NTNG1: variants seen among roughly 807,000 people sequenced by gnomAD.
NTNG1 encodes the protein netrin G1.
A neutral mutation model predicts 54.0 loss-of-function variants in NTNG1; 16 were observed. That is an observed-to-expected ratio of 0.30 (90% CI 0.20 to 0.45). The LOEUF (loss-of-function observed/expected upper bound fraction) is 0.45. Ranked by LOEUF, NTNG1 falls within the 20% of genes least tolerant of loss-of-function variation. The probability of loss-of-function intolerance (pLI) is 1.00; values close to 1 mark genes in which losing one functional copy is unlikely to be tolerated. For synonymous variants in NTNG1, 255 were observed against 263.1 expected (o/e 0.97, Z 0.30); for missense variants, 530 against 678.7 (o/e 0.78, Z 2.43).
chr1:107,433,356 C>G (rs1335573117), intron 6 of NTNG1, among the ~76,000 whole-genome samples: 2 of 152,056 alleles, frequency 1.3e-5, no homozygotes, highest in Non-Finnish European at 2.9e-5. Context: ...CCAGCCTGGC[C>G]AACATGGTGA....
chr1:107,234,477 T>G (rs1193738189), intron 2 of NTNG1, among the ~76,000 whole-genome samples: 3 of 152,094 alleles, frequency 2.0e-5, no homozygotes, highest in Non-Finnish European at 4.4e-5. Context: ...TTTTTCATGC[T>G]TATTGAGTGC....
intron 5 of NTNG1, among the ~76,000 whole-genome samples, chr1:107,420,367 G>T (rs1333151559): frequency 6.6e-6 from 1 of 152,054 alleles, no homozygotes; most frequent in Non-Finnish European, 1.5e-5. Flanking sequence ...GCAGAGGCCA[G>T]TTCTATGCAG....
chr1:107,221,615 T>G (rs569542816), intron 2 of NTNG1, among the ~76,000 whole-genome samples: 1 of 152,304 alleles, frequency 6.6e-6, no homozygotes, highest in African/African-American at 2.4e-5. Flanking sequence ...GTATAATTTC[T>G]TTGGTTAGAA....
rs557686809 is a variant in NTNG1, at chr1:107,148,617, G to T, written c.24G>T (p.Ser8=). The change falls in exon 2 of 8, where the codon TCG becomes TCT. Residue 8 remains serine (S), a synonymous_variant. Transcript: ENST00000370068. MYLSRFL[S]IHALWVTVSS... Reference sequence around the variant, plus strand: ...AGATGTATTTGTCAAGATTCCTGTCGATTCATGCCCTTTGGGTTACGGTGT... The same window carrying T: ...AGATGTATTTGTCAAGATTCCTGTCTATTCATGCCCTTTGGGTTACGGTGT... 1 of 1,613,236 alleles carries T rather than the reference G, an allele frequency of 6.2e-7. No homozygotes were observed. Among genetic ancestry groups the T allele is most frequent in the Admixed American group, 1.7e-5 (1 of 59,986 alleles).
intron 2 of NTNG1, among the ~76,000 whole-genome samples, chr1:107,227,314 G>A (rs1557826604): frequency 6.6e-6 from 1 of 152,104 alleles, no homozygotes; most frequent in Admixed American, 6.6e-5. Context: ...CCAGGATACA[G>A]TGCAGAGATT....
intron 2 of NTNG1, among the ~76,000 whole-genome samples, chr1:107,224,219 T>A (rs1307246365): frequency 1.3e-5 from 2 of 152,158 alleles, no homozygotes; most frequent in Admixed American, 1.3e-4. Flanking sequence ...AAAGCACATA[T>A]GTATTCATTA....
At chr1:107,342,339 T>A (rs1193567434) in intron 3 of NTNG1, among the ~76,000 whole-genome samples, 1 of 152,068 alleles carries the variant, frequency 6.6e-6, no homozygotes, top group Non-Finnish European at 1.5e-5. Flanking sequence ...ATTACCATAA[T>A]CATAAGAGGA....
At chr1:107,172,567 A>T (rs570194479) in intron 2 of NTNG1, among the ~76,000 whole-genome samples, 34 of 152,310 alleles carry the variant, frequency 2.2e-4, no homozygotes, top group Non-Finnish European at 4.4e-4. Flanking sequence ...GTTAAGTTGC[A>T]GAGTCCAAGA....
At chr1:107,241,633 G>C (rs1469000306) in intron 2 of NTNG1, among the ~76,000 whole-genome samples, 1 of 152,168 alleles carries the variant, frequency 6.6e-6, no homozygotes, top group Non-Finnish European at 1.5e-5. Flanking sequence ...CAAAGCAACA[G>C]AATGCCAATA....
intron 2 of NTNG1, among the ~76,000 whole-genome samples, chr1:107,297,216 CATATATATATAT>C (rs755223720): frequency 5.8e-4 from 9 of 15,490 alleles, no homozygotes; most frequent in Non-Finnish European, 1.4e-3. Context: ...TATATACCAT[CATATATATATAT>C]ATATATATAT....
intron 2 of NTNG1, among the ~76,000 whole-genome samples, chr1:107,209,445 A>C (rs1267407444): frequency 6.6e-6 from 1 of 152,146 alleles, no homozygotes; most frequent in African/African-American, 2.4e-5. Flanking sequence ...TGAAAGGAGC[A>C]CCTATGGGAG....
chr1:107,340,722 G>T (rs1668853303), intron 3 of NTNG1, among the ~76,000 whole-genome samples: 1 of 152,004 alleles, frequency 6.6e-6, no homozygotes, highest in South Asian at 2.1e-4. Context: ...ATGAACTCTG[G>T]TTTACATAGA....
chr1:107,342,918 C>T (rs368035831), intron 3 of NTNG1, among the ~76,000 whole-genome samples: 8 of 152,190 alleles, frequency 5.3e-5, no homozygotes, highest in African/African-American at 1.7e-4. Flanking sequence ...ACTCCCTATC[C>T]CTGTGCCTCC....
chr1:107,296,832 A>T (rs1665973198), intron 2 of NTNG1, among the ~76,000 whole-genome samples: 1 of 149,038 alleles, frequency 6.7e-6, no homozygotes, highest in Non-Finnish European at 1.5e-5. Context: ...AAAGATAATA[A>T]CTAAGGATGA....
chr1:107,440,382 G>T (rs138774377), intron 7 of NTNG1, among the ~76,000 whole-genome samples: 2 of 152,268 alleles, frequency 1.3e-5, no homozygotes, highest in East Asian at 3.9e-4. Flanking sequence ...AGAGACCAGG[G>T]TCTGAATCCC....
chr1:107,308,913 G>A (rs909266892), intron 2 of NTNG1, among the ~76,000 whole-genome samples: 18 of 152,056 alleles, frequency 1.2e-4, no homozygotes, highest in African/African-American at 4.1e-4. Context: ...ATGGGATTGC[G>A]TACCTGATTG....
At chr1:107,288,853 A>G (rs1230449540) in intron 2 of NTNG1, among the ~76,000 whole-genome samples, 1 of 152,158 alleles carries the variant, frequency 6.6e-6, no homozygotes, top group Non-Finnish European at 1.5e-5. Flanking sequence ...GTCTTTTCAG[A>G]ATCAAGGTTC....
intron 7 of NTNG1, among the ~76,000 whole-genome samples, chr1:107,444,032 C>G (rs1676149499): frequency 6.6e-6 from 1 of 152,064 alleles, no homozygotes; most frequent in African/African-American, 2.4e-5. Flanking sequence ...TAGAAAGTGG[C>G]AATTTGTAGG....
intron 3 of NTNG1, among the ~76,000 whole-genome samples, chr1:107,383,747 TTAACACTA>T (rs1199894258): frequency 2.0e-5 from 3 of 152,226 alleles, no homozygotes; most frequent in Non-Finnish European, 4.4e-5. Flanking sequence ...GTCCAAGCTC[TTAACACTA>T]TGTTACCCTA....
Sources: allele counts gnomAD v4.1 joint callset (sites outside exome capture counted in the v4.1 genomes callset), GRCh38; gene constraint gnomAD v4.1.1; transcripts MANE v1.5; gene names NCBI Gene and HGNC (gene_info 2026-07-23, HGNC 2026-07-21).